The following TLL1 variants were observed in gnomAD, a reference collection of about 807,000 sequenced individuals.
TLL1 encodes the protein tolloid like 1.
A neutral mutation model predicts 128.2 loss-of-function variants in TLL1; 49 were observed. The ratio of observed to expected loss-of-function variants is 0.38; its 90% confidence interval spans 0.30 to 0.48. The LOEUF (loss-of-function observed/expected upper bound fraction) is 0.48, where lower values mean the gene tolerates loss of function less well. Ranked by LOEUF, TLL1 falls within the 20% of genes least tolerant of loss-of-function variation. The pLI is 0.96. For missense variants in TLL1, 1,123 were observed against 1,242.0 expected, an observed-to-expected ratio of 0.90 and a Z score of 1.44; for synonymous variants, 454 against 418.8, an observed-to-expected ratio of 1.08 and a Z score of -1.03.
In TLL1 at chr4:165,873,389, C is replaced by G. The variant is rs1730576120; in HGVS notation, c.-516C>G. 1 of 153,116 alleles carries G rather than the reference C, an allele frequency of 6.5e-6. No individual in the cohort carries two copies. The highest frequency in any genetic ancestry group is 6.5e-5 in the Admixed American group (1 of 15,302). 9.5% of individuals were successfully genotyped at this position (153,116 alleles called of 1,614,324 possible). A position where few individuals can be genotyped will look rare whatever the true frequency, so the allele number is the denominator to read the frequency against. On this transcript the variant is annotated 5_prime_UTR_variant, in exon 1 of 21. Coordinates refer to ENST00000061240, the MANE Select transcript of TLL1 (RefSeq NM_012464.5). ...CTTTCAATTCAGATGTGCTGATGTGCAGACCGGATTCATCTTCTCGGAGCT... is the reference window on the plus strand; with the variant it reads ...CTTTCAATTCAGATGTGCTGATGTGGAGACCGGATTCATCTTCTCGGAGCT...
At chr4:165,878,713 A>C (rs1730831200) in intron 1 of TLL1, among the ~76,000 whole-genome samples, 1 of 151,930 alleles carries the variant, frequency 6.6e-6, no homozygotes, top group Non-Finnish European at 1.5e-5. Flanking sequence ...CAAATTCAAA[A>C]CCTAAGTGGA....
chr4:165,963,637 C>G (rs551688987), intron 1 of TLL1, among the ~76,000 whole-genome samples: 1 of 152,060 alleles, frequency 6.6e-6, no homozygotes, highest in African/African-American at 2.4e-5. Context: ...GAAAGAAATA[C>G]ACAGAATTTT....
intron 1 of TLL1, among the ~76,000 whole-genome samples, chr4:165,911,267 C>T (rs75565087): frequency 1.3e-5 from 2 of 152,040 alleles, no homozygotes; most frequent in Non-Finnish European, 2.9e-5. Context: ...TTTTAGCTCC[C>T]GCATGTGAGT....
chr4:165,965,617 C>A (rs955098862), intron 1 of TLL1, among the ~76,000 whole-genome samples: 1 of 152,106 alleles, frequency 6.6e-6, no homozygotes, highest in Non-Finnish European at 1.5e-5. Context: ...GAGAGAAGTA[C>A]CCTACATGAT....
intron 1 of TLL1, among the ~76,000 whole-genome samples, chr4:165,957,860 C>G (rs554009127): frequency 1.0e-5 from 1 of 97,870 alleles, no homozygotes; most frequent in Admixed American, 1.3e-4. Flanking sequence ...TATCCCTCCC[C>G]CCTCCCCCCA....
chr4:166,076,759 A>G (rs1481236098), intron 17 of TLL1, among the ~76,000 whole-genome samples: 1 of 152,164 alleles, frequency 6.6e-6, no homozygotes, highest in Non-Finnish European at 1.5e-5. Context: ...TTTTAAGGCT[A>G]TGTCTTGCTA....
chr4:165,895,985 C>T (rs1196839059), intron 1 of TLL1, among the ~76,000 whole-genome samples: 3 of 152,036 alleles, frequency 2.0e-5, no homozygotes, highest in Admixed American at 6.6e-5. Context: ...GCAGAACCTG[C>T]AGGTTTGTTA....
intron 1 of TLL1, among the ~76,000 whole-genome samples, chr4:165,949,207 A>G (rs986557075): frequency 6.6e-5 from 10 of 152,074 alleles, no homozygotes; most frequent in Admixed American, 6.6e-4. Context: ...AGGTAATATA[A>G]AGATTTGAGG....
At chr4:165,884,949 T>C (rs1206126060) in intron 1 of TLL1, among the ~76,000 whole-genome samples, 1 of 152,222 alleles carries the variant, frequency 6.6e-6, no homozygotes, top group East Asian at 1.9e-4. Flanking sequence ...GTATCCTTAT[T>C]CTTAAATACA....
At chr4:166,056,944 C>G (rs1244716498) in intron 13 of TLL1, among the ~76,000 whole-genome samples, 1 of 152,006 alleles carries the variant, frequency 6.6e-6, no homozygotes. Flanking sequence ...TTATTTGGAA[C>G]CATTAAGCAT....
chr4:165,930,291 C>T (rs185600098), intron 1 of TLL1, among the ~76,000 whole-genome samples: 9 of 152,020 alleles, frequency 5.9e-5, no homozygotes, highest in Admixed American at 3.3e-4. Context: ...AGACCTTTGG[C>T]GGTAGTAGTA....
At chr4:165,979,266 C>A (rs985429890) in intron 1 of TLL1, among the ~76,000 whole-genome samples, 1 of 151,922 alleles carries the variant, frequency 6.6e-6, no homozygotes, top group African/African-American at 2.4e-5. Flanking sequence ...AAGTTTGATG[C>A]TATGTAAATT....
At chr4:166,033,092 G>A (rs905921676) in intron 9 of TLL1, among the ~76,000 whole-genome samples, 3 of 152,068 alleles carry the variant, frequency 2.0e-5, no homozygotes, top group Admixed American at 2.0e-4. Flanking sequence ...TTAATATCAA[G>A]TGATCATAAA....
intron 13 of TLL1, 75 bp from the exon 14 acceptor site, chr4:166,057,109 A>G (rs1357639300): frequency 1.3e-6 from 2 of 1,564,792 alleles, no homozygotes; most frequent in Non-Finnish European, 1.8e-6. Flanking sequence ...TTGGGTGGGG[A>G]CACAGCCAAA....
At chr4:165,926,259 T>G (rs1431547873) in intron 1 of TLL1, among the ~76,000 whole-genome samples, 1 of 152,218 alleles carries the variant, frequency 6.6e-6, no homozygotes, top group Non-Finnish European at 1.5e-5. Flanking sequence ...TCCATCTATC[T>G]ATTTTTTGAC....
At position 165,917,995 on chromosome 4, in the gene TLL1, G is replaced by T. The variant is rs72970162; in HGVS notation, c.169+43922G>T. ...TCTTATTAAGTTGATAAAAAATATT[G>T]GTGTTATTTGAAGATGTAATTTTAG... On this transcript the variant is annotated intron_variant, in intron 1 of 20. Coordinates refer to ENST00000061240, the MANE Select transcript of TLL1 (RefSeq NM_012464.5). Among the ~76,000 whole-genome samples the T allele has an allele frequency of 8.1e-3, 1,229 of 152,114 alleles. 11 individuals carry two copies. The highest frequency in any genetic ancestry group is 0.027 in the African/African-American group (1,139 of 41,504).
intron 1 of TLL1, among the ~76,000 whole-genome samples, chr4:165,905,887 C>T (rs183995985): frequency 2.6e-5 from 4 of 152,062 alleles, no homozygotes; most frequent in Admixed American, 6.6e-5. Flanking sequence ...AGTCCCTCAC[C>T]GTGAGACACC....
chr4:166,046,828 G>A (rs1739478986), intron 12 of TLL1, among the ~76,000 whole-genome samples: 1 of 152,134 alleles, frequency 6.6e-6, no homozygotes, highest in Non-Finnish European at 1.5e-5. Flanking sequence ...AACCCTAGGA[G>A]CAATGAATCA....
At chr4:166,091,414 T>G in intron 19 of TLL1, 73 bp downstream of exon 19, 1 of 1,308,594 alleles carries the variant, frequency 7.6e-7, no homozygotes, top group Non-Finnish European at 1.1e-6. Flanking sequence ...TTTGGTTCAA[T>G]AATAGGATTG....
Sources: gnomAD v4.1 joint callset for allele counts (sites outside exome capture counted in the v4.1 genomes callset) on GRCh38, gnomAD v4.1.1 for gene constraint, MANE v1.5 for transcripts, NCBI Gene and HGNC (gene_info 2026-07-23, HGNC 2026-07-21) for gene names.